MSR1: variants seen among roughly 807,000 people sequenced by gnomAD.
MSR1 encodes macrophage scavenger receptor 1, also known as macrophage scavenger receptor types I and II.
MSR1 carries 53 observed loss-of-function variants against 47.2 expected under a neutral mutation model. That is an observed-to-expected ratio of 1.12 (90% CI 0.90 to 1.41). The LOEUF is 1.41. Among genes scored for constraint, MSR1 ranks in the 40% most tolerant of loss-of-function variants. The probability of loss-of-function intolerance (pLI) is 0.00; values close to 1 mark genes in which losing one functional copy is unlikely to be tolerated. For synonymous variants in MSR1, 239 were observed against 185.6 expected, an observed-to-expected ratio of 1.29 and a Z score of -2.34; for missense variants, 786 against 546.9, an observed-to-expected ratio of 1.44 and a Z score of -4.36.
chr8:16,175,328 T>C lies in MSR1; in HGVS notation c.104-28A>G, dbSNP rs762830972. ...AATAAAACAAAAAAGCCCAGCCTAC[T>C]GTTAGAAAGTGTTGTCTTCTTCCAT... On this transcript the variant is annotated intron_variant, in intron 2 of 9. Transcript: ENST00000262101. 8 of 1,524,626 alleles carry C rather than the reference T, an allele frequency of 5.2e-6. No individual in the cohort carries two copies. The East Asian group carries it at 1.6e-4, about 30-fold the overall frequency. The allele number at this position is 1,524,626 out of a possible 1,614,324, so 94.4% of individuals were successfully genotyped here.
At chr8:16,130,429 C>T (rs1400909854) in intron 8 of MSR1, among the ~76,000 whole-genome samples, 2 of 152,110 alleles carry the variant, frequency 1.3e-5, no homozygotes, top group Non-Finnish European at 2.9e-5. Flanking sequence ...TAGATGAGCA[C>T]TGTATTTTAT....
intron 1 of MSR1, among the ~76,000 whole-genome samples, chr8:16,190,388 T>A (rs1356431859): frequency 6.6e-6 from 1 of 152,148 alleles, no homozygotes; most frequent in Non-Finnish European, 1.5e-5. Flanking sequence ...TCAAGCAAAA[T>A]TCACTACCAT....
intron 8 of MSR1, among the ~76,000 whole-genome samples, chr8:16,134,262 T>C (rs963240652): frequency 2.6e-5 from 4 of 152,164 alleles, no homozygotes; most frequent in Non-Finnish European, 5.9e-5. Context: ...TTATTGTTCT[T>C]AGTGCATCAA....
At chr8:16,190,875 C>T (rs577909216) in intron 1 of MSR1, among the ~76,000 whole-genome samples, 3 of 152,136 alleles carry the variant, frequency 2.0e-5, no homozygotes, top group Admixed American at 1.3e-4. Flanking sequence ...GCATGCACCA[C>T]CACGCCCGGC....
chr8:16,180,104 CT>C (rs1801783921), intron 1 of MSR1, among the ~76,000 whole-genome samples: 1 of 151,028 alleles, frequency 6.6e-6, no homozygotes, highest in African/African-American at 2.4e-5. Flanking sequence ...TTCTCTCTGT[CT>C]GTCTCTCTCT....
At chr8:16,151,018 T>A (rs1305698475) in intron 6 of MSR1, among the ~76,000 whole-genome samples, 4 of 152,094 alleles carry the variant, frequency 2.6e-5, no homozygotes, top group Non-Finnish European at 1.5e-5. Context: ...AACAACTGTA[T>A]ATAAAAGAAA....
chr8:16,132,280 C>A (rs1022323599), intron 8 of MSR1, among the ~76,000 whole-genome samples: 1 of 151,912 alleles, frequency 6.6e-6, no homozygotes, highest in Non-Finnish European at 1.5e-5. Flanking sequence ...CCTGATTTGG[C>A]TCTCAGCTTG....
At chr8:16,121,303 T>C (rs1399052943) in intron 8 of MSR1, 1 of 258,282 alleles carries the variant, frequency 3.9e-6, no homozygotes, top group East Asian at 1.1e-4. Flanking sequence ...ATAAACTTTG[T>C]TTATAATTAT....
intron 8 of MSR1, chr8:16,140,021 G>A (rs1800510336): frequency 1.3e-6 from 1 of 746,100 alleles, no homozygotes. Context: ...TGTAAAACCA[G>A]AGACAATTAT....
At chr8:16,183,411 G>C (rs1264295555) in intron 1 of MSR1, among the ~76,000 whole-genome samples, 2 of 150,858 alleles carry the variant, frequency 1.3e-5, no homozygotes, top group African/African-American at 4.9e-5. Context: ...CTGGAACATT[G>C]AATATATTAA....
intron 6 of MSR1, among the ~76,000 whole-genome samples, chr8:16,153,898 T>C (rs1381780939): frequency 1.3e-5 from 2 of 151,950 alleles, no homozygotes; most frequent in African/African-American, 2.4e-5. Flanking sequence ...GTAGAAAGAC[T>C]TTCCTGAATA....
intron 9 of MSR1, among the ~76,000 whole-genome samples, chr8:16,114,114 G>C (rs1003056861): frequency 6.6e-6 from 1 of 151,952 alleles, no homozygotes; most frequent in Non-Finnish European, 1.5e-5. Context: ...GTAAAAATTT[G>C]ACTTGTGACC....
intron 6 of MSR1, among the ~76,000 whole-genome samples, chr8:16,152,576 G>A (rs1440417118): frequency 1.3e-5 from 2 of 152,150 alleles, no homozygotes; most frequent in East Asian, 3.9e-4. Flanking sequence ...TCTCTCGAGG[G>A]CATCTCATGT....
chr8:16,140,194 G>C, intron 8 of MSR1: 1 of 984,608 alleles, frequency 1.0e-6, no homozygotes, highest in Non-Finnish European at 1.2e-6. Flanking sequence ...AGTTCTCCTA[G>C]AACCCAATAA....
intron 1 of MSR1, among the ~76,000 whole-genome samples, chr8:16,179,969 T>C (rs1801779283): frequency 6.7e-6 from 1 of 149,970 alleles, no homozygotes; most frequent in Non-Finnish European, 1.5e-5. Context: ...CAGGCTGGAG[T>C]GCAGTGGTGC....
intron 8 of MSR1, among the ~76,000 whole-genome samples, chr8:16,125,352 T>C (rs1000926530): frequency 6.6e-6 from 1 of 152,172 alleles, no homozygotes; most frequent in African/African-American, 2.4e-5. Context: ...AATTTATTAA[T>C]TTACAAAGAG....
intron 3 of MSR1, among the ~76,000 whole-genome samples, chr8:16,171,723 C>A (rs959734788): frequency 2.6e-5 from 4 of 152,174 alleles, no homozygotes; most frequent in Admixed American, 2.6e-4. Context: ...TCAAAATTTT[C>A]CTCTAACGTT....
chr8:16,148,350 C>T (rs1029904571), intron 7 of MSR1, among the ~76,000 whole-genome samples: 1 of 152,096 alleles, frequency 6.6e-6, no homozygotes, highest in South Asian at 2.1e-4. Flanking sequence ...TAATACTCTC[C>T]AAAGCTAAAC....
chr8:16,121,076 A>C (rs771482351), intron 8 of MSR1: 1 of 382,934 alleles, frequency 2.6e-6, no homozygotes, highest in African/African-American at 2.1e-5. Flanking sequence ...ACACAAAAAT[A>C]GGTGATCAAA....
Sources: gnomAD v4.1 joint callset for allele counts (sites outside exome capture counted in the v4.1 genomes callset) on GRCh38, gnomAD v4.1.1 for gene constraint, MANE v1.5 for transcripts, NCBI Gene and HGNC (gene_info 2026-07-23, HGNC 2026-07-21) for gene names.